MECOM: variants seen among roughly 807,000 people sequenced by gnomAD.
MECOM encodes the protein MDS1 and EVI1 complex locus.
In MECOM, 13 loss-of-function variants were observed where a neutral mutation model predicts 116.3. That is an observed-to-expected ratio of 0.11 (90% confidence interval 0.07 to 0.18). The LOEUF (loss-of-function observed/expected upper bound fraction) is 0.18. Ranked by LOEUF, MECOM falls within the 10% of genes least tolerant of loss-of-function variation. The pLI is 1.00. For missense variants in MECOM, 1,299 were observed against 1,509.0 expected, an observed-to-expected ratio of 0.86 and a Z score of 2.31; for synonymous variants, 528 against 535.2, an observed-to-expected ratio of 0.99 and a Z score of 0.19.
intron 9 of MECOM, 42 bp downstream of exon 9, chr3:169,112,745 A>G: frequency 6.8e-7 from 1 of 1,460,930 alleles, no homozygotes; most frequent in East Asian, 2.3e-5. Context: ...AGGATCAACA[A>G]GTTAGTTTAC....
intron 1 of MECOM, among the ~76,000 whole-genome samples, chr3:169,555,284 C>T (rs1440438526): frequency 6.6e-6 from 1 of 152,210 alleles, no homozygotes; most frequent in African/African-American, 2.4e-5. Flanking sequence ...ACTAGGGATA[C>T]ATGGCTAGTA....
intron 2 of MECOM, among the ~76,000 whole-genome samples, chr3:169,148,285 G>A (rs1408775078): frequency 6.6e-6 from 1 of 152,070 alleles, no homozygotes; most frequent in Admixed American, 6.5e-5. Context: ...GCAATTTGAC[G>A]ACTCAGATTA....
chr3:169,528,498 A>G (rs963339963), intron 1 of MECOM, among the ~76,000 whole-genome samples: 7 of 152,250 alleles, frequency 4.6e-5, no homozygotes, highest in Non-Finnish European at 8.8e-5. Context: ...TCTCCTTTAA[A>G]TTGAGTGTTT....
At chr3:169,639,668 T>C (rs1242592850) in intron 1 of MECOM, among the ~76,000 whole-genome samples, 1 of 152,230 alleles carries the variant, frequency 6.6e-6, no homozygotes, top group Non-Finnish European at 1.5e-5. Context: ...TACATGAAAC[T>C]CTTGTAATCA....
intron 2 of MECOM, among the ~76,000 whole-genome samples, chr3:169,340,073 T>C (rs1482071465): frequency 6.6e-6 from 1 of 152,218 alleles, no homozygotes; most frequent in Non-Finnish European, 1.5e-5. Flanking sequence ...TTCTTCATCT[T>C]TTGTCCCACA....
At chr3:169,207,190 C>G (rs1254666767) in intron 2 of MECOM, among the ~76,000 whole-genome samples, 4 of 152,148 alleles carry the variant, frequency 2.6e-5, no homozygotes, top group Non-Finnish European at 5.9e-5. Flanking sequence ...ATATAAATGT[C>G]TGGAGAAGCA....
intron 1 of MECOM, among the ~76,000 whole-genome samples, chr3:169,445,020 G>C (rs938474701): frequency 2.0e-5 from 3 of 152,180 alleles, no homozygotes; most frequent in African/African-American, 7.2e-5. Flanking sequence ...AAGCAGAAAA[G>C]CATTCAAGAG....
intron 2 of MECOM, among the ~76,000 whole-genome samples, chr3:169,228,199 G>A (rs1752971392): frequency 6.6e-6 from 1 of 152,146 alleles, no homozygotes; most frequent in Non-Finnish European, 1.5e-5. Flanking sequence ...CCACAGATTT[G>A]GCTAAACAGA....
chr3:169,413,515 A>C (rs1737966693), intron 1 of MECOM, among the ~76,000 whole-genome samples: 1 of 144,612 alleles, frequency 6.9e-6, no homozygotes, highest in Non-Finnish European at 1.5e-5. Flanking sequence ...CCCAAGTGGC[A>C]TCTGGAACTC....
chr3:169,557,351 T>C (rs945051766), intron 1 of MECOM, among the ~76,000 whole-genome samples: 5 of 152,170 alleles, frequency 3.3e-5, no homozygotes, highest in Non-Finnish European at 5.9e-5. Context: ...TCATGGAATG[T>C]AGTCACCACC....
chr3:169,618,299 G>C, intron 1 of MECOM, among the ~76,000 whole-genome samples: 1 of 152,172 alleles, frequency 6.6e-6, no homozygotes, highest in East Asian at 1.9e-4. Flanking sequence ...ATCTCAACCA[G>C]ATTATATTTC....
At position 169,515,994 on chromosome 3, in the gene MECOM, T is replaced by C. The variant is rs893650133; in HGVS notation, c.38-134470A>G. Among the ~76,000 whole-genome samples, 3 of 152,190 alleles carry C rather than the reference T, an allele frequency of 2.0e-5. No homozygotes were observed. In the South Asian group the frequency reaches 6.2e-4, roughly 32 times the overall value. On this transcript the variant is annotated intron_variant, in intron 1 of 16. Transcript: ENST00000651503. ...CTCTTAAATAATCTAACTTCCTTCT[T>C]CCCAAAATAATTCAGGCATCTCAAG... is the stretch of plus-strand genomic sequence containing the variant.
chr3:169,333,271 G>A (rs1723048875), intron 2 of MECOM, among the ~76,000 whole-genome samples: 1 of 152,114 alleles, frequency 6.6e-6, no homozygotes. Flanking sequence ...ACAGAGGGGT[G>A]ACCTGTTAAC....
chr3:169,384,205 A>G (rs1211503484), intron 1 of MECOM, among the ~76,000 whole-genome samples: 1 of 152,190 alleles, frequency 6.6e-6, no homozygotes, highest in Non-Finnish European at 1.5e-5. Context: ...TAATTAATCT[A>G]ACATATAATT....
At chr3:169,298,346 A>C (rs1227867353) in intron 2 of MECOM, among the ~76,000 whole-genome samples, 1 of 152,026 alleles carries the variant, frequency 6.6e-6, no homozygotes, top group African/African-American at 2.4e-5. Context: ...CATATGTATT[A>C]AATGTTATAT....
intron 1 of MECOM, among the ~76,000 whole-genome samples, chr3:169,637,206 G>T (rs1039175807): frequency 1.3e-5 from 2 of 152,086 alleles, no homozygotes; most frequent in Non-Finnish European, 2.9e-5. Flanking sequence ...GCAGCCATTC[G>T]ATTGAGCCAC....
intron 8 of MECOM, 46 bp downstream of exon 8, chr3:169,115,337 C>A: frequency 6.4e-7 from 1 of 1,570,550 alleles, no homozygotes; most frequent in South Asian, 1.2e-5. Flanking sequence ...GAAATACCGC[C>A]TTTCATACAT....
chr3:169,130,539 A>T (rs768488885), intron 4 of MECOM, among the ~76,000 whole-genome samples: 26 of 150,960 alleles, frequency 1.7e-4, no homozygotes, highest in Non-Finnish European at 3.7e-4. Context: ...ATGCAGTCCA[A>T]AGGAAAAATT....
intron 1 of MECOM, among the ~76,000 whole-genome samples, chr3:169,406,767 C>A (rs1476747906): frequency 6.6e-6 from 1 of 151,948 alleles, no homozygotes; most frequent in East Asian, 1.9e-4. Flanking sequence ...TTCATTAAAA[C>A]CAGTCTTCTT....
Sources: gnomAD v4.1 joint callset for allele counts (sites outside exome capture counted in the v4.1 genomes callset) on GRCh38, gnomAD v4.1.1 for gene constraint, MANE v1.5 for transcripts, NCBI Gene and HGNC (gene_info 2026-07-23, HGNC 2026-07-21) for gene names.